KPNA5: variants seen among roughly 807,000 people sequenced by gnomAD.
KPNA5 encodes the protein importin subunit alpha-6.
In KPNA5, 46 loss-of-function variants were observed where a neutral mutation model predicts 71.3. That is an observed-to-expected ratio of 0.65 (90% CI 0.51 to 0.83). KPNA5 has a LOEUF of 0.83. Ranked by LOEUF, KPNA5 falls within the 40% of genes least tolerant of loss-of-function variation. KPNA5 has a pLI of 0.00. For missense variants in KPNA5, 547 were observed against 628.3 expected, an observed-to-expected ratio of 0.87 and a Z score of 1.38; for synonymous variants, 207 against 201.4, an observed-to-expected ratio of 1.03 and a Z score of -0.24.
In KPNA5 at chr6:116,726,508, C is replaced by T. The variant is rs761514177; in HGVS notation, c.1139C>T (p.Ala380Val). ...NRAQIQAVIDANIFPVLIEIL... is the reference protein window; with the variant it reads ...NRAQIQAVIDVNIFPVLIEIL... ...TCCCCCTCTCAGGCTGTTATAGATG[C>T]AAATATTTTTCCTGTTTTGATTGAG... The change falls in exon 12 of 14, where the codon GCA becomes GTA. Residue 380 changes from alanine (A) to valine (V), a missense_variant. By Grantham distance (64) the Ala-to-Val change is moderately conservative. Coordinates refer to ENST00000368564, the MANE Select transcript of KPNA5 (RefSeq NM_001366306.2). The T allele has an allele frequency of 6.2e-7, 1 of 1,610,918 alleles. No individual in the cohort carries two copies. The highest frequency in any genetic ancestry group is 1.1e-5 in the South Asian group (1 of 90,756).
chr6:116,685,237 A>G (rs1452007198), intron 1 of KPNA5, among the ~76,000 whole-genome samples: 1 of 152,208 alleles, frequency 6.6e-6, no homozygotes, highest in African/African-American at 2.4e-5. Context: ...GACGACTCAA[A>G]TACCGTGCTA....
chr6:116,683,046 T>C (rs1777420662), intron 1 of KPNA5, among the ~76,000 whole-genome samples: 1 of 152,246 alleles, frequency 6.6e-6, no homozygotes, highest in Non-Finnish European at 1.5e-5. Flanking sequence ...GCTGAACAGT[T>C]ACAATGTGGT....
chr6:116,712,007 A>C (rs1778706765), intron 7 of KPNA5, among the ~76,000 whole-genome samples: 1 of 152,096 alleles, frequency 6.6e-6, no homozygotes, highest in South Asian at 2.1e-4. Context: ...GCAGTGGTGC[A>C]GCCTCGGCTC....
chr6:116,697,916 AT>A (rs1392644718), intron 4 of KPNA5, among the ~76,000 whole-genome samples: 3 of 152,046 alleles, frequency 2.0e-5, no homozygotes, highest in Non-Finnish European at 4.4e-5. Flanking sequence ...GGAAAGGAGA[AT>A]TCGGTTAAGG....
chr6:116,709,423 C>T (rs886352424), intron 7 of KPNA5, among the ~76,000 whole-genome samples: 1 of 151,996 alleles, frequency 6.6e-6, no homozygotes, highest in Non-Finnish European at 1.5e-5. Context: ...GTCTTGAAGT[C>T]GAATTTGAGG....
chr6:116,705,289 C>T, intron 7 of KPNA5, 129 bp downstream of exon 7: 1 of 628,572 alleles, frequency 1.6e-6, no homozygotes, highest in Non-Finnish European at 2.6e-6. Context: ...AGTAGCTTGA[C>T]AGCAGGTAGA....
At chr6:116,703,365 C>T (rs1339780396) in intron 6 of KPNA5, among the ~76,000 whole-genome samples, 2 of 151,640 alleles carry the variant, frequency 1.3e-5, no homozygotes, top group African/African-American at 2.4e-5. Context: ...CAGGTTCAAG[C>T]GATTCTCCTG....
chr6:116,710,307 T>C (rs1264873221), intron 7 of KPNA5, among the ~76,000 whole-genome samples: 1 of 152,150 alleles, frequency 6.6e-6, no homozygotes, highest in African/African-American at 2.4e-5. Flanking sequence ...ATTTTTTCTT[T>C]TGTAACTTTT....
intron 9 of KPNA5, among the ~76,000 whole-genome samples, chr6:116,723,043 G>C (rs1362469048): frequency 6.6e-6 from 1 of 152,152 alleles, no homozygotes; most frequent in African/African-American, 2.4e-5. Flanking sequence ...GCCCCAACTT[G>C]ATAATGACAC....
intron 7 of KPNA5, among the ~76,000 whole-genome samples, chr6:116,712,141 A>G (rs1006515394): frequency 6.6e-6 from 1 of 152,074 alleles, no homozygotes; most frequent in African/African-American, 2.4e-5. Context: ...GGGTCTCACC[A>G]TGTTGGTCAG....
At chr6:116,706,604 G>T (rs1333345491) in intron 7 of KPNA5, among the ~76,000 whole-genome samples, 1 of 152,112 alleles carries the variant, frequency 6.6e-6, no homozygotes, top group African/African-American at 2.4e-5. Context: ...CAGCAGAATC[G>T]CTTGTACCCA....
At position 116,710,893 on chromosome 6, in the gene KPNA5, ATTTTTTTTTTTT is replaced by A. The variant is rs67301038; in HGVS notation, c.657-5318_657-5307del. Reference sequence around the variant, plus strand: ...TTATTTTATATATATATATATATATATTTTTTTTTTTTTTTTTTTGAGTTGGAGTCTTGCTCT... The same window carrying A: ...TTATTTTATATATATATATATATATATTTTTTTGAGTTGGAGTCTTGCTCT... On this transcript the variant is annotated intron_variant, in intron 7 of 13. Transcript: ENST00000368564. Among the ~76,000 whole-genome samples the A allele has an allele frequency of 2.3e-5, 2 of 86,768 alleles. 1 individual carries two copies. The highest frequency in any genetic ancestry group is 4.3e-5 in the Non-Finnish European group (2 of 46,122). The allele number at this position is 86,768 out of a possible 152,430, so 56.9% of individuals were successfully genotyped here.
At chr6:116,729,880 T>C (rs1270011355) in intron 13 of KPNA5, 139 bp downstream of exon 13, 1 of 457,716 alleles carries the variant, frequency 2.2e-6, no homozygotes, top group Non-Finnish European at 3.8e-6. Context: ...CGTAATTTTA[T>C]TACCCTAACA....
rs551661077 is a variant in KPNA5 at position 116,700,888 on chromosome 6, C to T, written c.436-1131C>T. ...TTTTTTTTAAAATTGTAGCCACACACTCTAGGTTTTCACAGTTGTCACTTG... is the reference window on the plus strand; with the variant it reads ...TTTTTTTTAAAATTGTAGCCACACATTCTAGGTTTTCACAGTTGTCACTTG... On this transcript the variant is annotated intron_variant, in intron 5 of 13. Transcript: ENST00000368564. Among the ~76,000 whole-genome samples, 13 of 152,202 alleles carry T rather than the reference C, an allele frequency of 8.5e-5. No individual in the cohort carries two copies. The East Asian group carries it at 2.3e-3, about 27-fold the overall frequency.
Position 116,692,121 on chromosome 6 carries a change from G to C in KPNA5, c.205G>C (p.Asp69His), listed in dbSNP as rs770838480. ...ATCTATGCTTGAAAGTCCTATACAG[G>C]ATCCAGATATTAGTTCCACTGTACC... ...DESMLESPIQDPDISSTVPIP... is the reference protein window; with the variant it reads ...DESMLESPIQHPDISSTVPIP... Residue 69 changes from aspartate (D) to histidine (H), a missense_variant, in exon 3 of 14, where the codon GAT becomes CAT. Transcript: ENST00000368564. 3 of 1,612,084 alleles carry C rather than the reference G, an allele frequency of 1.9e-6. No homozygotes were observed. Among genetic ancestry groups the C allele is most frequent in the Admixed American group, 3.3e-5 (2 of 59,874 alleles).
intron 2 of KPNA5, among the ~76,000 whole-genome samples, chr6:116,690,659 AG>A (rs1287726870): frequency 1.3e-5 from 2 of 151,528 alleles, no homozygotes; most frequent in East Asian, 3.9e-4. Flanking sequence ...AAAAAAAAAA[AG>A]AAGAACGATA....
At chr6:116,723,441 A>C (rs551286221) in intron 9 of KPNA5, among the ~76,000 whole-genome samples, 13 of 152,308 alleles carry the variant, frequency 8.5e-5, no homozygotes, top group Non-Finnish European at 1.6e-4. Context: ...GAAAGGAACC[A>C]AGATTGTTGG....
intron 4 of KPNA5, among the ~76,000 whole-genome samples, chr6:116,693,524 T>C (rs1267568941): frequency 6.6e-6 from 1 of 152,252 alleles, no homozygotes; most frequent in Non-Finnish European, 1.5e-5. Flanking sequence ...TTTGGCTGCA[T>C]GAATGTCTTC....
At chr6:116,726,754 T>C (rs1386759887) in intron 12 of KPNA5, 132 bp downstream of exon 12, 15 of 814,648 alleles carry the variant, frequency 1.8e-5, no homozygotes, top group Non-Finnish European at 2.5e-5. Flanking sequence ...TGACAGCATG[T>C]ATTATATCAG....
Sources: gnomAD v4.1 joint callset for allele counts (sites outside exome capture counted in the v4.1 genomes callset) on GRCh38, gnomAD v4.1.1 for gene constraint, MANE v1.5 for transcripts, NCBI Gene and HGNC (gene_info 2026-07-23, HGNC 2026-07-21) for gene names.